The following TACR1 variants were observed in gnomAD, a reference collection of about 807,000 sequenced individuals.
TACR1 encodes tachykinin receptor 1, also known as substance-P receptor.
A neutral mutation model predicts 35.8 loss-of-function variants in TACR1; 25 were observed. The ratio of observed to expected loss-of-function variants is 0.70; its 90% CI spans 0.51 to 0.98. TACR1 has a LOEUF of 0.98. Among genes scored for constraint, TACR1 ranks in the 50% least tolerant of loss-of-function variants. The pLI is 0.00. For synonymous variants in TACR1, 195 were observed against 206.7 expected, an observed-to-expected ratio of 0.94 and a Z score of 0.48; for missense variants, 478 against 522.9, an observed-to-expected ratio of 0.91 and a Z score of 0.84.
intron 1 of TACR1, among the ~76,000 whole-genome samples, chr2:75,129,889 T>C (rs1674145131): frequency 6.6e-6 from 1 of 152,166 alleles, no homozygotes. Context: ...AAGGAAGGAC[T>C]AGGAAGGGGA....
intron 1 of TACR1, among the ~76,000 whole-genome samples, chr2:75,178,178 A>C (rs1236815503): frequency 4.0e-5 from 6 of 150,456 alleles, no homozygotes; most frequent in Non-Finnish European, 8.9e-5. Flanking sequence ...CATTTCTTTC[A>C]ATTTCTCTCT....
At chr2:75,054,286 G>A (rs1268982049) in intron 2 of TACR1, among the ~76,000 whole-genome samples, 2 of 152,222 alleles carry the variant, frequency 1.3e-5, no homozygotes, top group East Asian at 1.9e-4. Flanking sequence ...TGGTTGATAA[G>A]GCCCAGTTTA....
chr2:75,084,805 G>A (rs1341365698), intron 2 of TACR1, among the ~76,000 whole-genome samples: 1 of 152,076 alleles, frequency 6.6e-6, no homozygotes, highest in Admixed American at 6.5e-5. Context: ...TAGTCTATTT[G>A]ATTCTTCTCT....
chr2:75,154,410 G>GCGTGCGCGCGCGCGCGCA (rs1166779798), intron 1 of TACR1: 1 of 75,364 alleles, frequency 1.3e-5, no homozygotes, highest in African/African-American at 4.9e-5. Context: ...GAGCGCGCAC[G>GCGTGCGCGCGCGCGCGCA]CACACACACA....
intron 1 of TACR1, among the ~76,000 whole-genome samples, chr2:75,164,326 T>TAAAAAAAAA (rs35423094): frequency 7.2e-6 from 1 of 138,096 alleles, no homozygotes; most frequent in Non-Finnish European, 1.5e-5. Flanking sequence ...GACTCCATCT[T>TAAAAAAAAA]AAAAAAAAAA....
chr2:75,083,523 G>A (rs1673132733), intron 2 of TACR1, among the ~76,000 whole-genome samples: 1 of 152,150 alleles, frequency 6.6e-6, no homozygotes, highest in Admixed American at 6.5e-5. Context: ...GGGCAGTATG[G>A]CCATTTTCGT....
At chr2:75,171,021 T>C (rs1675266428) in intron 1 of TACR1, among the ~76,000 whole-genome samples, 1 of 152,168 alleles carries the variant, frequency 6.6e-6, no homozygotes, top group African/African-American at 2.4e-5. Flanking sequence ...GAAATTTGCA[T>C]AAGTAATGAG....
intron 2 of TACR1, among the ~76,000 whole-genome samples, chr2:75,085,707 C>T (rs1390651832): frequency 6.6e-6 from 1 of 152,114 alleles, no homozygotes; most frequent in East Asian, 1.9e-4. Flanking sequence ...ATAACGGTGA[C>T]CTGGCTGGAG....
At chr2:75,152,598 T>C (rs768832433) in intron 1 of TACR1, among the ~76,000 whole-genome samples, 19 of 152,204 alleles carry the variant, frequency 1.2e-4, no homozygotes, top group Non-Finnish European at 2.5e-4. Context: ...GACTAATACA[T>C]GCTCCGAGGC....
intron 2 of TACR1, among the ~76,000 whole-genome samples, chr2:75,101,079 C>T (rs897517706): frequency 1.3e-4 from 20 of 150,556 alleles, no homozygotes; most frequent in Non-Finnish European, 2.2e-4. Flanking sequence ...ATGTTGGACA[C>T]GGCAGAAAAC....
At chr2:75,090,295 C>T (rs748685184) in intron 2 of TACR1, among the ~76,000 whole-genome samples, 1 of 152,218 alleles carries the variant, frequency 6.6e-6, no homozygotes, top group Non-Finnish European at 1.5e-5. Context: ...CAGACTTCCT[C>T]CTCAGCCAGG....
At chr2:75,154,053 T>G (rs1181494250) in intron 1 of TACR1, among the ~76,000 whole-genome samples, 1 of 152,098 alleles carries the variant, frequency 6.6e-6, no homozygotes, top group African/African-American at 2.4e-5. Context: ...ACTGATTAAT[T>G]GAAGGGCGGG....
At chr2:75,162,203 T>C (rs1322825318) in intron 1 of TACR1, among the ~76,000 whole-genome samples, 1 of 152,178 alleles carries the variant, frequency 6.6e-6, no homozygotes, top group Non-Finnish European at 1.5e-5. Flanking sequence ...ATGTTATTGC[T>C]CTGTGACACT....
At chr2:75,159,697 C>G (rs1444073199) in intron 1 of TACR1, among the ~76,000 whole-genome samples, 2 of 152,054 alleles carry the variant, frequency 1.3e-5, no homozygotes, top group African/African-American at 4.8e-5. Context: ...CCACACTTTC[C>G]CTAATATTAG....
At position 75,047,886 on chromosome 2, in the gene TACR1, A is replaced by T. The variant is rs984892947; in HGVS notation, c.*1546T>A. On this transcript the variant is annotated 3_prime_UTR_variant, in exon 5 of 5. Transcript: ENST00000305249. ...TGGATGCGGCACATGTGCATCCATTATGCAAACTACCAGGAGGACATTCAT... is the reference window on the plus strand; with the variant it reads ...TGGATGCGGCACATGTGCATCCATTTTGCAAACTACCAGGAGGACATTCAT... 1 of 152,202 alleles carries T rather than the reference A, an allele frequency of 6.6e-6. No homozygotes were observed. The highest frequency in any genetic ancestry group is 1.5e-5 in the Non-Finnish European group (1 of 68,028). 9.4% of individuals were successfully genotyped at this position (152,202 alleles called of 1,614,324 possible). A position where few individuals can be genotyped will look rare whatever the true frequency, so the allele number is the denominator to read the frequency against.
intron 2 of TACR1, among the ~76,000 whole-genome samples, chr2:75,076,742 C>T (rs1330156060): frequency 6.6e-6 from 1 of 152,122 alleles, no homozygotes; most frequent in Non-Finnish European, 1.5e-5. Flanking sequence ...CAAGGTGCTG[C>T]TTGTCTCTAC....
In TACR1 at chr2:75,047,466, G is replaced by A. The variant is rs1353795862; in HGVS notation, c.*1966C>T. On this transcript the variant is annotated 3_prime_UTR_variant, in exon 5 of 5. Transcript: ENST00000305249. Reference sequence around the variant, plus strand: ...CAGAGGAGGCACTCAGTTAATCCTCGTTGAGCTCAACTCTAACCTTCTCTT... The same window carrying A: ...CAGAGGAGGCACTCAGTTAATCCTCATTGAGCTCAACTCTAACCTTCTCTT... 3.9e-5 allele frequency: 6 copies of A among 152,192 alleles called. No individual in the cohort carries two copies. Among genetic ancestry groups the A allele is most frequent in the Non-Finnish European group, 7.3e-5 (5 of 68,042 alleles). 9.4% of individuals were successfully genotyped at this position (152,192 alleles called of 1,614,324 possible). A position where few individuals can be genotyped will look rare whatever the true frequency, so the allele number is the denominator to read the frequency against.
chr2:75,167,066 C>G (rs887619195), intron 1 of TACR1, among the ~76,000 whole-genome samples: 7 of 152,252 alleles, frequency 4.6e-5, no homozygotes, highest in African/African-American at 1.2e-4. Flanking sequence ...TATTTTTCCA[C>G]ACTTAGCAAC....
chr2:75,094,859 A>ATATATTTTTTTTT, intron 2 of TACR1, among the ~76,000 whole-genome samples: 2 of 113,134 alleles, frequency 1.8e-5, no homozygotes, highest in African/African-American at 9.6e-5. Flanking sequence ...ATATATATAT[A>ATATATTTTTTTTT]TTTTTTTTTT....
Sources: gnomAD v4.1 joint callset for allele counts (sites outside exome capture counted in the v4.1 genomes callset) on GRCh38, gnomAD v4.1.1 for gene constraint, MANE v1.5 for transcripts, NCBI Gene and HGNC (gene_info 2026-07-23, HGNC 2026-07-21) for gene names.